Variants in FADS2 observed in about 807,000 individuals in gnomAD.
FADS2 encodes the protein fatty acid desaturase 2.
Under a neutral mutation model 61.2 loss-of-function variants are expected in FADS2, and 18 were observed. The ratio of observed to expected loss-of-function variants is 0.29; its 90% CI spans 0.20 to 0.44. The LOEUF is 0.44. FADS2 is among the 20% of genes least tolerant of loss of function. FADS2 has a pLI of 1.00. For missense variants in FADS2, 322 were observed against 572.7 expected (o/e 0.56, Z 4.47); for synonymous variants, 203 against 223.9 (o/e 0.91, Z 0.83).
At chr11:61,824,402 GAGA>G (rs2067054704), upstream of FADS2, among the ~76,000 whole-genome samples, 2 of 4,908 alleles carry the variant, frequency 4.1e-4, no homozygotes, top group Non-Finnish European at 1.8e-3. Flanking sequence ...AAAAGAGAGA[GAGA>G]GAGAGAGAGA....
At chr11:61,842,477 G>A (rs1408067384) in intron 4 of FADS2, among the ~76,000 whole-genome samples, 1 of 152,232 alleles carries the variant, frequency 6.6e-6, no homozygotes, top group Admixed American at 6.5e-5. Flanking sequence ...CCAGATTCTG[G>A]GCAGGGGCCG....
chr11:61,816,980 T>C lies in FADS2; in HGVS notation c.141+554T>C. The C allele has an allele frequency of 1.5e-6, 2 of 1,351,374 alleles. No homozygotes were observed. The highest frequency in any genetic ancestry group is 1.8e-5 in the South Asian group (1 of 55,028). The allele number at this position is 1,351,374 out of a possible 1,614,324, so 83.7% of individuals were successfully genotyped here. A position where few individuals can be genotyped will look rare whatever the true frequency, so the allele number is the denominator to read the frequency against. ...CGAGATCCCGTCCCCCGGTGGGTCT[T>C]GGGCAACTCACAGCTGGGCTGCCAA... On this transcript the variant is annotated intron_variant, in intron 1 of 11. Coordinates refer to the FADS2 transcript ENST00000257261. The surrounding 1 kb of genome is among the most constrained non-coding windows in gnomAD (Gnocchi z 7.0).
At chr11:61,864,913 C>G (rs2067453095) in intron 10 of FADS2, among the ~76,000 whole-genome samples, 1 of 152,080 alleles carries the variant, frequency 6.6e-6, no homozygotes, top group Non-Finnish European at 1.5e-5. Context: ...TCTGGCCACC[C>G]AATATCTTCC....
At chr11:61,859,000 G>A (rs1036643382) in intron 7 of FADS2, among the ~76,000 whole-genome samples, 4 of 152,196 alleles carry the variant, frequency 2.6e-5, no homozygotes, top group Non-Finnish European at 5.9e-5. Flanking sequence ...CAATAGCCAT[G>A]GGGAAGTTTT....
At chr11:61,829,813 C>T (rs181084942) in intron 1 of FADS2, among the ~76,000 whole-genome samples, 177 of 152,228 alleles carry the variant, frequency 1.2e-3, no homozygotes, top group African/African-American at 4.0e-3. Context: ...TGTGTAGGCC[C>T]GACCCTTAAC....
intron 1 of FADS2, among the ~76,000 whole-genome samples, chr11:61,819,691 G>A (rs2067022723): frequency 6.6e-6 from 1 of 152,012 alleles, no homozygotes; most frequent in South Asian, 2.1e-4. Flanking sequence ...CTTTAATACA[G>A]AATCAAGGAA....
chr11:61,823,935 T>G (rs1227917496), upstream of FADS2, among the ~76,000 whole-genome samples: 1 of 152,232 alleles, frequency 6.6e-6, no homozygotes, highest in African/African-American at 2.4e-5. Context: ...AAAATAGTTA[T>G]GACTTTCACC....
chr11:61,845,611 G>A (rs964187736), intron 4 of FADS2, among the ~76,000 whole-genome samples: 8 of 152,008 alleles, frequency 5.3e-5, no homozygotes, highest in Admixed American at 4.6e-4. Context: ...TGGCCAACAT[G>A]GTGAAACCCC....
At chr11:61,849,322 G>A (rs1323273800) in intron 5 of FADS2, among the ~76,000 whole-genome samples, 1 of 152,126 alleles carries the variant, frequency 6.6e-6, no homozygotes, top group Non-Finnish European at 1.5e-5. Context: ...TACAAATATA[G>A]AACACACTTG....
At chr11:61,824,268 G>A (rs549530102), upstream of FADS2, among the ~76,000 whole-genome samples, 1 of 151,744 alleles carries the variant, frequency 6.6e-6, no homozygotes, top group African/African-American at 2.4e-5. Flanking sequence ...TGTAATCCCA[G>A]CTACTCGGGA....
At chr11:61,860,392 C>T (rs966945608) in intron 7 of FADS2, among the ~76,000 whole-genome samples, 8 of 152,222 alleles carry the variant, frequency 5.3e-5, no homozygotes, top group East Asian at 1.9e-4. Context: ...TCCCTGTTCC[C>T]GGGGCCACGT....
At chr11:61,835,058 C>A (rs2067161088) in intron 1 of FADS2, among the ~76,000 whole-genome samples, 1 of 149,654 alleles carries the variant, frequency 6.7e-6, no homozygotes, top group Admixed American at 6.7e-5. Flanking sequence ...TCCCTGCCTC[C>A]CCAGGGACTT....
chr11:61,861,155 C>T (rs536468287), intron 7 of FADS2, among the ~76,000 whole-genome samples: 1 of 151,866 alleles, frequency 6.6e-6, no homozygotes, highest in African/African-American at 2.4e-5. Flanking sequence ...GAGATCGAGA[C>T]CATCCTGGCG....
chr11:61,816,522 C>T lies in FADS2; in HGVS notation c.141+96C>T, dbSNP rs1156453713. On this transcript the variant is annotated intron_variant, in intron 1 of 11. Transcript: ENST00000257261. The surrounding 1 kb of genome is among the most constrained non-coding windows in gnomAD (Gnocchi z 7.0). ...CCCCTGCACTCAGCCTCCGGTCCCG[C>T]CCTCTCCTGTGCCCCCGCCTGGCTG... is the stretch of plus-strand genomic sequence containing the variant. 2 of 1,597,242 alleles carry T rather than the reference C, an allele frequency of 1.3e-6. No individual in the cohort carries two copies. The highest frequency in any genetic ancestry group is 8.5e-7 in the Non-Finnish European group (1 of 1,173,964).
chr11:61,850,183 C>T (rs928084862), intron 5 of FADS2, among the ~76,000 whole-genome samples: 4 of 152,160 alleles, frequency 2.6e-5, no homozygotes, highest in African/African-American at 9.7e-5. Flanking sequence ...TGAACCATAA[C>T]AGGACCTACA....
chr11:61,863,195 C>A, intron 8 of FADS2, 87 bp from the exon 9 acceptor site: 2 of 1,425,698 alleles, frequency 1.4e-6, no homozygotes, highest in Non-Finnish European at 2.0e-6. Flanking sequence ...TTGGCAGGGG[C>A]TGTCCTGGGC....
intron 1 of FADS2, among the ~76,000 whole-genome samples, chr11:61,834,358 C>T (rs527863377): frequency 5.9e-5 from 9 of 152,224 alleles, no homozygotes; most frequent in Non-Finnish European, 1.3e-4. Flanking sequence ...GGCTCTGCCA[C>T]CTGGAGCCCA....
rs2067102697 is a variant in FADS2 at position 61,828,659 on chromosome 11, C to T, written c.207+62C>T. ...CTGCAGGCGGAGTCAGGATCCCTGG[C>T]TCCCCGTGGGCCAAACAGACCTCCG... On this transcript the variant is annotated intron_variant, in intron 1 of 11. Transcript: ENST00000278840. The surrounding 1 kb of genome is among the most constrained non-coding windows in gnomAD (Gnocchi z 6.4). 1 of 1,490,624 alleles carries T rather than the reference C, an allele frequency of 6.7e-7. No individual in the cohort carries two copies. Among genetic ancestry groups the T allele is most frequent in the Admixed American group, 1.9e-5 (1 of 51,682 alleles). 92.3% of individuals were successfully genotyped at this position (1,490,624 alleles called of 1,614,324 possible). A position where few individuals can be genotyped will look rare whatever the true frequency, so the allele number is the denominator to read the frequency against.
At chr11:61,824,383 G>A (rs1475071592), upstream of FADS2, among the ~76,000 whole-genome samples, 2 of 128,096 alleles carry the variant, frequency 1.6e-5, no homozygotes, top group Admixed American at 8.3e-5. Context: ...CTCCATCTTG[G>A]GGGAAAAAAA....
Sources: gnomAD v4.1 joint callset for allele counts (sites outside exome capture counted in the v4.1 genomes callset) on GRCh38, gnomAD v4.1.1 for gene constraint, Gnocchi (gnomAD v3.1) non-coding constraint, MANE v1.5 for transcripts, NCBI Gene and HGNC (gene_info 2026-07-23, HGNC 2026-07-21) for gene names.